The following SERGEF variants were observed in gnomAD, a reference collection of about 807,000 sequenced individuals.
The protein encoded by SERGEF is secretion-regulating guanine nucleotide exchange factor.
A neutral mutation model predicts 50.0 loss-of-function variants in SERGEF; 51 were observed. That is an observed-to-expected ratio of 1.02 (90% CI 0.81 to 1.29). The LOEUF (loss-of-function observed/expected upper bound fraction) is 1.29, where lower values mean the gene tolerates loss of function less well. Among genes scored for constraint, SERGEF ranks in the 50% most tolerant of loss-of-function variants. The pLI is 0.00. For synonymous variants in SERGEF, 205 were observed against 212.4 expected (o/e 0.97, Z 0.30); for missense variants, 521 against 557.0 (o/e 0.94, Z 0.65).
intron 5 of SERGEF, 122 bp downstream of exon 5, chr11:18,000,375 G>C (rs1443978126): frequency 1.6e-6 from 1 of 643,060 alleles, no homozygotes. Context: ...CTTGGGCTCA[G>C]GAGTTCAAGG....
chr11:17,900,400 C>G (rs1286642763), intron 9 of SERGEF, among the ~76,000 whole-genome samples: 1 of 152,232 alleles, frequency 6.6e-6, no homozygotes, highest in Non-Finnish European at 1.5e-5. Flanking sequence ...AAACATCAAT[C>G]TCGGCATTGC....
At chr11:17,814,913 G>A (rs923541884) in intron 10 of SERGEF, among the ~76,000 whole-genome samples, 7 of 152,202 alleles carry the variant, frequency 4.6e-5, no homozygotes, top group African/African-American at 7.2e-5. Context: ...GGCTAGGTGC[G>A]CTCAGGCCTA....
intron 10 of SERGEF, among the ~76,000 whole-genome samples, chr11:17,794,099 G>T (rs538465832): frequency 1.3e-5 from 2 of 152,368 alleles, no homozygotes; most frequent in African/African-American, 4.8e-5. Flanking sequence ...AAACACCTGA[G>T]CATGTGTGCA....
intron 9 of SERGEF, among the ~76,000 whole-genome samples, chr11:17,900,902 G>A (rs937991898): frequency 1.3e-5 from 2 of 152,158 alleles, no homozygotes; most frequent in African/African-American, 4.8e-5. Context: ...AAAGAGGGAG[G>A]AGAGAAGGGG....
At chr11:17,793,600 C>T (rs916990983) in intron 10 of SERGEF, among the ~76,000 whole-genome samples, 2 of 152,208 alleles carry the variant, frequency 1.3e-5, no homozygotes. Context: ...GAACATGGAA[C>T]GTCCAGTTTT....
rs745425117 is a variant in SERGEF, at chr11:18,000,574, A to G, written c.448-17T>C. 10 of 1,559,796 alleles carry G rather than the reference A, an allele frequency of 6.4e-6. No individual in the cohort carries two copies. The highest frequency in any genetic ancestry group is 4.0e-5 in the Admixed American group (2 of 49,388). Reference sequence around the variant, plus strand: ...TTTATGGAGCTGTCAAAATAAAGAAAAGGATTTAGATCTCAGAACCATCCA... The same window carrying G: ...TTTATGGAGCTGTCAAAATAAAGAAGAGGATTTAGATCTCAGAACCATCCA... On this transcript the variant is annotated splice_polypyrimidine_tract_variant and intron_variant, in intron 4 of 10. Transcript: ENST00000265965.
At chr11:17,847,311 G>A (rs1313197071) in intron 10 of SERGEF, among the ~76,000 whole-genome samples, 13 of 152,172 alleles carry the variant, frequency 8.5e-5, no homozygotes, top group Non-Finnish European at 7.3e-5. Flanking sequence ...TCTGCACTCA[G>A]CAGGGCTGTA....
chr11:17,942,556 G>GA (rs1365299222), intron 9 of SERGEF, among the ~76,000 whole-genome samples: 1 of 152,070 alleles, frequency 6.6e-6, no homozygotes, highest in African/African-American at 2.4e-5. Context: ...TCTGTGAATA[G>GA]AAACAGATTT....
chr11:17,890,026 CA>C (rs59805347), intron 9 of SERGEF, among the ~76,000 whole-genome samples: 9,024 of 74,002 alleles, frequency 0.12, 699 homozygotes, highest in African/African-American at 0.35. Context: ...ACACTTCAAC[CA>C]AAAAAAAAAA....
chr11:17,932,998 A>T (rs1852383959), intron 9 of SERGEF, among the ~76,000 whole-genome samples: 1 of 152,210 alleles, frequency 6.6e-6, no homozygotes, highest in Non-Finnish European at 1.5e-5. Flanking sequence ...AATACATTTG[A>T]TTTTAAAATA....
chr11:17,892,942 C>T (rs1369395186), intron 9 of SERGEF, among the ~76,000 whole-genome samples: 2 of 152,190 alleles, frequency 1.3e-5, no homozygotes, highest in African/African-American at 4.8e-5. Context: ...CATGTTTTGT[C>T]TGTGTTCACA....
At position 17,830,687 on chromosome 11, in the gene SERGEF, A is replaced by C. The variant is rs866322867; in HGVS notation, c.1049-42274T>G. On this transcript the variant is annotated intron_variant, in intron 10 of 10. Transcript: ENST00000265965. Reference sequence around the variant, plus strand: ...GAGAGAGAGAGAGAGAGAGAGAGAGAGCACATGTACATGCAAGAGTAAGTC... The same window carrying C: ...GAGAGAGAGAGAGAGAGAGAGAGAGCGCACATGTACATGCAAGAGTAAGTC... Among the ~76,000 whole-genome samples, 131 of 143,560 alleles carry C rather than the reference A, an allele frequency of 9.1e-4. 1 individual carries two copies. Among genetic ancestry groups the C allele is most frequent in the African/African-American group, 3.1e-3 (125 of 39,788 alleles). 94.2% of individuals were successfully genotyped at this position (143,560 alleles called of 152,430 possible).
chr11:17,992,310 T>C (rs188122250), intron 7 of SERGEF, among the ~76,000 whole-genome samples: 6 of 152,192 alleles, frequency 3.9e-5, no homozygotes, highest in Non-Finnish European at 8.8e-5. Flanking sequence ...TAAAGATAAA[T>C]AGATACATAG....
At chr11:17,882,066 T>C (rs1293467061) in intron 9 of SERGEF, among the ~76,000 whole-genome samples, 1 of 152,234 alleles carries the variant, frequency 6.6e-6, no homozygotes, top group African/African-American at 2.4e-5. Flanking sequence ...CCTTTATGCA[T>C]GCTATGCTCC....
At chr11:17,987,227 C>G (rs1853618932) in intron 8 of SERGEF, among the ~76,000 whole-genome samples, 1 of 152,138 alleles carries the variant, frequency 6.6e-6, no homozygotes, top group Non-Finnish European at 1.5e-5. Context: ...AGCTATCTAC[C>G]CTGCCTTGTA....
intron 9 of SERGEF, among the ~76,000 whole-genome samples, chr11:17,914,652 T>C (rs1238680787): frequency 1.3e-5 from 2 of 152,246 alleles, no homozygotes; most frequent in Non-Finnish European, 2.9e-5. Flanking sequence ...ATTTCTAATA[T>C]GCAACCATAG....
chr11:17,885,343 A>G (rs191411750), intron 9 of SERGEF, among the ~76,000 whole-genome samples: 1 of 152,198 alleles, frequency 6.6e-6, no homozygotes, highest in Admixed American at 6.5e-5. Context: ...GTTTTTAGAG[A>G]CAGGGTCTTG....
Position 17,884,908 on chromosome 11 carries a change from C to G in SERGEF, c.1012-6664G>C, listed in dbSNP as rs541147733. Among the ~76,000 whole-genome samples, 2 of 152,234 alleles carry G rather than the reference C, an allele frequency of 1.3e-5. No individual in the cohort carries two copies. Among genetic ancestry groups the G allele is most frequent in the East Asian group, 3.9e-4 (2 of 5,176 alleles). On this transcript the variant is annotated intron_variant, in intron 9 of 10. Transcript: ENST00000265965. This position sits in a 1 kb window ranked among gnomAD's most constrained non-coding sequence, Gnocchi z 4.6. ...TAGAATTTCACTTTACCTGCAATAC[C>G]TCCCATCTTCACAGCCACTCTGAGA... is the stretch of plus-strand genomic sequence containing the variant.
chr11:18,010,081 C>A (rs949370165), intron 1 of SERGEF: 2 of 1,227,114 alleles, frequency 1.6e-6, no homozygotes, highest in Non-Finnish European at 2.1e-6. Context: ...CTACTCCTAG[C>A]TGGTTCTTCC....
Sources: allele counts gnomAD v4.1 joint callset (sites outside exome capture counted in the v4.1 genomes callset), GRCh38; gene constraint gnomAD v4.1.1; non-coding constraint Gnocchi (gnomAD v3.1); transcripts MANE v1.5; gene names NCBI Gene and HGNC (gene_info 2026-07-23, HGNC 2026-07-21).